IL6ST: variants seen among roughly 807,000 people sequenced by gnomAD.
IL6ST encodes interleukin 6 cytokine family signal transducer.
A neutral mutation model predicts 91.3 loss-of-function variants in IL6ST; 24 were observed. That is an observed-to-expected ratio of 0.26 (90% CI 0.19 to 0.37). IL6ST has a LOEUF of 0.37. Among genes scored for constraint, IL6ST ranks in the 10% least tolerant of loss-of-function variants. The pLI is 1.00. For synonymous variants in IL6ST, 351 were observed against 373.6 expected (o/e 0.94, Z 0.70); for missense variants, 914 against 1,078.5 (o/e 0.85, Z 2.14).
chr5:55,955,083 T>G, intron 10 of IL6ST, 91 bp from the exon 11 acceptor site: 1 of 907,446 alleles, frequency 1.1e-6, no homozygotes, highest in South Asian at 1.6e-5. Flanking sequence ...ATGTGATTTA[T>G]CAATTTTTGT....
chr5:55,981,888 A>G (rs1163831248), intron 2 of IL6ST, among the ~76,000 whole-genome samples: 1 of 152,224 alleles, frequency 6.6e-6, no homozygotes. Context: ...AAATACAGGA[A>G]AGATTATTTC....
chr5:55,944,781 A>C (rs914778083), intron 15 of IL6ST: 6 of 746,530 alleles, frequency 8.0e-6, no homozygotes, highest in African/African-American at 1.7e-5. Flanking sequence ...GAAACATGGA[A>C]TGCCAGACGC....
rs138917681 is a variant in IL6ST, at chr5:55,963,472, G to A, written c.693C>T (p.Ile231=). The change falls in exon 7 of 17, where the codon ATC becomes ATT. Residue 231 remains isoleucine (I), a synonymous_variant. Coordinates refer to ENST00000381298, the MANE Select transcript of IL6ST (RefSeq NM_002184.4). The stretch of plus-strand genomic sequence containing the variant: ...AGATACTAGACAGTTCCTCTGAGTT[G>A]ATCACTGATAAATTATGTGGCGGAT... ...KPNPPHNLSV[I]NSEELSSILK... is the part of the protein sequence containing the mutation. 115 of 1,609,048 alleles carry A rather than the reference G, an allele frequency of 7.1e-5. No homozygotes were observed. The African/African-American group carries it at 1.4e-3, about 20-fold the overall frequency.
Position 55,969,719 on chromosome 5 carries a change from C to T in IL6ST, c.201G>A (p.Trp67Ter). The part of the protein sequence containing the change: ...YFHVNANYIV[W>*]KTNHFTIPKE... ...TAGGAATAGTAAAATGGTTTGTTTT[C>T]CAGACAATGTAATTAGCATTTACAT... Residue 67 changes from tryptophan (W) to a stop codon, truncating the protein, a stop_gained, in exon 4 of 17, where the codon TGG becomes TGA. Coordinates refer to ENST00000381298, the MANE Select transcript of IL6ST (RefSeq NM_002184.4). LOFTEE classifies it high-confidence loss of function. 6.2e-7 allele frequency: 1 copy of T among 1,612,658 alleles called. No individual in the cohort carries two copies. Among genetic ancestry groups the T allele is most frequent in the Non-Finnish European group, 8.5e-7 (1 of 1,178,836 alleles).
intron 1 of IL6ST, among the ~76,000 whole-genome samples, chr5:55,989,899 A>G (rs1229221012): frequency 1.3e-5 from 2 of 152,152 alleles, no homozygotes; most frequent in East Asian, 3.8e-4. Flanking sequence ...AGAGCATGCC[A>G]GTCTAACCAG....
At chr5:55,966,642 TCA>T (rs1197750110) in intron 5 of IL6ST, among the ~76,000 whole-genome samples, 5 of 152,092 alleles carry the variant, frequency 3.3e-5, no homozygotes, top group African/African-American at 4.8e-5. Flanking sequence ...TGACTGCAAC[TCA>T]CTATGAAATA....
chr5:55,981,289 G>GT (rs1753654071), intron 2 of IL6ST, among the ~76,000 whole-genome samples: 1 of 152,168 alleles, frequency 6.6e-6, no homozygotes, highest in South Asian at 2.1e-4. Flanking sequence ...TGAAGACACA[G>GT]TAACACTATA....
chr5:55,965,814 C>CAAA (rs34297008), intron 5 of IL6ST, among the ~76,000 whole-genome samples: 1 of 58,546 alleles, frequency 1.7e-5, no homozygotes, highest in Non-Finnish European at 3.7e-5. Flanking sequence ...AACTCTGTCT[C>CAAA]AAAAAAAAAA....
At chr5:55,950,069 C>T (rs765997739) in intron 14 of IL6ST, 25 of 358,470 alleles carry the variant, frequency 7.0e-5, no homozygotes, top group Non-Finnish European at 1.2e-4. Context: ...AGGGTACGCA[C>T]AATCAACAGG....
chr5:55,948,646 A>G (rs1204175682), intron 14 of IL6ST, among the ~76,000 whole-genome samples: 1 of 152,128 alleles, frequency 6.6e-6, no homozygotes, highest in Non-Finnish European at 1.5e-5. Flanking sequence ...ATATATATAA[A>G]ATGCCAAATC....
At chr5:55,984,489 G>A (rs923556870) in intron 1 of IL6ST, among the ~76,000 whole-genome samples, 2 of 152,196 alleles carry the variant, frequency 1.3e-5, no homozygotes, top group Admixed American at 1.3e-4. Flanking sequence ...TACACAGGCA[G>A]AGATTGGAGT....
chr5:55,968,312 G>C lies in IL6ST; in HGVS notation c.455C>G (p.Thr152Arg). ...MRCEWDGGRE[T>R]HLETNFTLKS... The stretch of plus-strand genomic sequence containing the variant: ...TAAAGTGAAGTTTGTCTCCAAGTGT[G>C]TTTCCCTTCCACCATCCCACTCACA... Residue 152 changes from threonine to arginine, a missense_variant, in exon 5 of 17, where the codon ACA (threonine) becomes AGA (arginine). By Grantham distance (71) the Thr-to-Arg change is moderately conservative. Coordinates refer to ENST00000381298, the MANE Select transcript of IL6ST (RefSeq NM_002184.4). The C allele has an allele frequency of 6.3e-7, 1 of 1,598,622 alleles. No homozygotes were observed. Among genetic ancestry groups the C allele is most frequent in the Non-Finnish European group, 8.5e-7 (1 of 1,174,930 alleles).
chr5:55,957,622 A>G (rs545550132), intron 8 of IL6ST, among the ~76,000 whole-genome samples: 1 of 152,088 alleles, frequency 6.6e-6, no homozygotes. Flanking sequence ...GTATTTATCT[A>G]CTTGAATCTC....
chr5:55,951,490 T>G lies in IL6ST; in HGVS notation c.1814A>C (p.Glu605Ala). The G allele has an allele frequency of 6.2e-7, 1 of 1,613,280 alleles. No individual in the cohort carries two copies. ...YTDEGGKDGPEFTFTTPKFAQ... is the reference protein window; with the variant it reads ...YTDEGGKDGPAFTFTTPKFAQ... The stretch of plus-strand genomic sequence containing the variant: ...AAACTTTGGGGTAGTAAAAGTGAAT[T>G]CTGGACCATCCTTCCCACCTTCATC... The change falls in exon 14 of 17, where the codon GAA (glutamate) becomes GCA (alanine). Residue 605 changes from glutamate (E) to alanine (A), a missense_variant. By Grantham distance (107) the Glu-to-Ala change is moderately radical. Coordinates refer to ENST00000381298, the MANE Select transcript of IL6ST (RefSeq NM_002184.4).
intron 7 of IL6ST, among the ~76,000 whole-genome samples, chr5:55,960,802 G>A (rs937712897): frequency 6.6e-6 from 1 of 151,826 alleles, no homozygotes; most frequent in African/African-American, 2.4e-5. Context: ...GCTAATTTCT[G>A]TACTTTTTTA....
chr5:55,938,543 T>A lies in IL6ST; in HGVS notation c.*2539A>T. On this transcript the variant is annotated 3_prime_UTR_variant, in exon 17 of 17. Coordinates refer to ENST00000381298, the MANE Select transcript of IL6ST (RefSeq NM_002184.4). ...GGTGCAGAAGCAGTGAGTGAACTAG[T>A]TTTGTCCAGACAAGGTTTTCTGATG... 2 of 198,714 alleles carry A rather than the reference T, an allele frequency of 1.0e-5. No individual in the cohort carries two copies. Among genetic ancestry groups the A allele is most frequent in the Non-Finnish European group, 2.1e-5 (2 of 96,146 alleles). The allele number at this position is 198,714 out of a possible 1,614,324, so 12.3% of individuals were successfully genotyped here.
At chr5:55,962,917 C>A (rs931909854) in intron 7 of IL6ST, among the ~76,000 whole-genome samples, 1 of 151,902 alleles carries the variant, frequency 6.6e-6, no homozygotes, top group African/African-American at 2.4e-5. Context: ...GAGTTTGAGA[C>A]CATCCTGGGC....
At chr5:55,987,710 T>C (rs1320808561) in intron 1 of IL6ST, among the ~76,000 whole-genome samples, 2 of 152,244 alleles carry the variant, frequency 1.3e-5, no homozygotes, top group Non-Finnish European at 2.9e-5. Context: ...AGGAATGTTA[T>C]GATGATTAAA....
rs1446162265 is a variant in IL6ST, at chr5:55,940,299, T to G, written c.*783A>C. ...ATGGCAATTTTTTAGATGCTTGAGA[T>G]AGTTTGGGGGATCCCTAGCTCTTAT... On this transcript the variant is annotated 3_prime_UTR_variant, in exon 17 of 17. Coordinates refer to ENST00000381298, the MANE Select transcript of IL6ST (RefSeq NM_002184.4). 1 of 212,826 alleles carries G rather than the reference T, an allele frequency of 4.7e-6. No homozygotes were observed. The highest frequency in any genetic ancestry group is 2.3e-5 in the African/African-American group (1 of 44,288). 13.2% of individuals were successfully genotyped at this position (212,826 alleles called of 1,614,324 possible). A position where few individuals can be genotyped will look rare whatever the true frequency, so the allele number is the denominator to read the frequency against.
Sources: allele counts gnomAD v4.1 joint callset (sites outside exome capture counted in the v4.1 genomes callset), GRCh38; gene constraint gnomAD v4.1.1; transcripts MANE v1.5; gene names NCBI Gene and HGNC (gene_info 2026-07-23, HGNC 2026-07-21).